HNRNPA3: variants seen among roughly 807,000 people sequenced by gnomAD.
HNRNPA3 encodes heterogeneous nuclear ribonucleoprotein A3.
A neutral mutation model predicts 45.8 loss-of-function variants in HNRNPA3; 3 were observed. That is an observed-to-expected ratio of 0.07 (90% CI 0.03 to 0.17). The LOEUF (loss-of-function observed/expected upper bound fraction) is 0.17, where lower values mean the gene tolerates loss of function less well. Ranked by LOEUF, HNRNPA3 falls within the 10% of genes least tolerant of loss-of-function variation. The pLI, the probability that HNRNPA3 is intolerant of heterozygous loss-of-function variation, is 1.00. For missense variants in HNRNPA3, 183 were observed against 480.3 expected, an observed-to-expected ratio of 0.38 and a Z score of 5.79; for synonymous variants, 170 against 155.6, an observed-to-expected ratio of 1.09 and a Z score of -0.69.
intron 8 of HNRNPA3, among the ~76,000 whole-genome samples, chr2:177,218,615 G>C (rs771476880): frequency 2.6e-5 from 4 of 152,164 alleles, no homozygotes; most frequent in Non-Finnish European, 5.9e-5. Flanking sequence ...TAGTTGAAGC[G>C]TTTAAGCAAG....
downstream of HNRNPA3, chr2:177,223,328 ATTATT>A (rs556000812): frequency 5.3e-4 from 81 of 152,198 alleles, no homozygotes; most frequent in Middle Eastern, 6.8e-3. Flanking sequence ...ATGAAATAAA[ATTATT>A]TTATTTAAAC....
At chr2:177,214,960 A>G (rs1268398543) in intron 1 of HNRNPA3, among the ~76,000 whole-genome samples, 1 of 152,232 alleles carries the variant, frequency 6.6e-6, no homozygotes, top group African/African-American at 2.4e-5. Flanking sequence ...CTTTTAAAAA[A>G]TGAAGCGATT....
At chr2:177,223,399 A>G (rs1689273351), downstream of HNRNPA3, 1 of 147,630 alleles carries the variant, frequency 6.8e-6, no homozygotes, top group African/African-American at 2.5e-5. Flanking sequence ...AGCAGCAGTA[A>G]AAAAAAAAAA....
At chr2:177,215,306 G>A (rs1688886250) in intron 1 of HNRNPA3, among the ~76,000 whole-genome samples, 1 of 152,124 alleles carries the variant, frequency 6.6e-6, no homozygotes, top group Non-Finnish European at 1.5e-5. Context: ...TGTTGGCCAG[G>A]CTGGTCTCGA....
exon 11 of HNRNPA3, chr2:177,219,890 A>G (rs565509908): frequency 6.6e-6 from 1 of 152,636 alleles, no homozygotes; most frequent in Non-Finnish European, 1.5e-5. Flanking sequence ...GTTAATTACT[A>G]TTTTGTATGA....
At chr2:177,213,541 A>G (rs548969777) in intron 1 of HNRNPA3, among the ~76,000 whole-genome samples, 1 of 152,322 alleles carries the variant, frequency 6.6e-6, no homozygotes, top group Non-Finnish European at 1.5e-5. Context: ...CGAGATTGTT[A>G]AAAACTTTGC....
exon 11 of HNRNPA3, chr2:177,219,416 T>A: frequency 1.2e-6 from 1 of 862,062 alleles, no homozygotes. Flanking sequence ...AGGCTACAGT[T>A]CTTAGCAGGA....
At chr2:177,221,312 T>C (rs1225533409), downstream of HNRNPA3, 1 of 152,548 alleles carries the variant, frequency 6.6e-6, no homozygotes, top group African/African-American at 2.4e-5. Context: ...TTGGGAAACA[T>C]TAAAATTGAG....
At chr2:177,217,566 C>T in intron 7 of HNRNPA3, 139 bp from the exon 8 acceptor site, 1 of 963,556 alleles carries the variant, frequency 1.0e-6, no homozygotes, top group South Asian at 1.5e-5. Flanking sequence ...GAGTTCAAGG[C>T]TGCATTGCTG....
chr2:177,222,806 G>C (rs1228472535), downstream of HNRNPA3: 3 of 152,572 alleles, frequency 2.0e-5, no homozygotes, highest in East Asian at 5.8e-4. Context: ...AGATGTCATG[G>C]GTAAAGGTTG....
At chr2:177,218,561 C>G (rs1241956384) in intron 8 of HNRNPA3, among the ~76,000 whole-genome samples, 3 of 152,232 alleles carry the variant, frequency 2.0e-5, no homozygotes, top group East Asian at 3.9e-4. Flanking sequence ...ATCTAGGGCC[C>G]AGGTTAACAA....
At chr2:177,215,318 C>A (rs1176867030) in intron 1 of HNRNPA3, among the ~76,000 whole-genome samples, 3 of 152,168 alleles carry the variant, frequency 2.0e-5, no homozygotes, top group Non-Finnish European at 4.4e-5. Context: ...TGGTCTCGAA[C>A]TCCTGACCTC....
At chr2:177,214,237 A>G (rs115850389) in intron 1 of HNRNPA3, among the ~76,000 whole-genome samples, 1 of 152,274 alleles carries the variant, frequency 6.6e-6, no homozygotes, top group Admixed American at 6.5e-5. Flanking sequence ...TTATAGTCAG[A>G]CAATACATAC....
chr2:177,216,590 G>C (rs376460276), exon 5 of HNRNPA3: 1 of 1,613,762 alleles, frequency 6.2e-7, no homozygotes, highest in African/African-American at 1.3e-5. Flanking sequence ...GGATCACAGA[G>C]AGGTGAGTAG....
At position 177,218,052 on chromosome 2, in the gene HNRNPA3, C is replaced by CTTTTTTTTTTTTTT. The variant is rs58476089; in HGVS notation, c.961+221_961+234dup. Among the ~76,000 whole-genome samples the CTTTTTTTTTTTTTT allele has an allele frequency of 2.8e-4, 29 of 102,174 alleles. 1 individual carries two copies. Among genetic ancestry groups the CTTTTTTTTTTTTTT allele is most frequent in the African/African-American group, 7.2e-4 (18 of 25,046 alleles). 67.0% of individuals were successfully genotyped at this position (102,174 alleles called of 152,430 possible). On this transcript the variant is annotated intron_variant, in intron 8 of 10. Transcript: ENST00000392524. ...ACAAATGTACTCAGCTCTCTTTTTT[C>CTTTTTTTTTTTTTT]TTTTTTTTTTTTTTTTTTTTTTTTT...
chr2:177,223,258 T>G (rs1196895743), downstream of HNRNPA3: 1 of 152,148 alleles, frequency 6.6e-6, no homozygotes, highest in Non-Finnish European at 1.5e-5. Flanking sequence ...CACAACATGG[T>G]TTTAGTGAAG....
chr2:177,216,767 A>G (rs1456865843), exon 6 of HNRNPA3: 2 of 1,614,048 alleles, frequency 1.2e-6, no homozygotes, highest in African/African-American at 1.3e-5. Flanking sequence ...ACTTTGGTGG[A>G]AGAGGTAGGC....
chr2:177,216,627 T>C (rs1272803037), intron 5 of HNRNPA3, 35 bp downstream of exon 5: 1 of 1,611,644 alleles, frequency 6.2e-7, no homozygotes, highest in East Asian at 2.2e-5. Context: ...ACAGTGGATA[T>C]GAGTGGTGTT....
rs58476089 is a variant in HNRNPA3 at position 177,218,052 on chromosome 2, C to CTTTTTTTTTTTTTTT, written c.961+220_961+234dup. ...ACAAATGTACTCAGCTCTCTTTTTT[C>CTTTTTTTTTTTTTTT]TTTTTTTTTTTTTTTTTTTTTTTTT... On this transcript the variant is annotated intron_variant, in intron 8 of 10. Transcript: ENST00000392524. Among the ~76,000 whole-genome samples, 29 of 102,172 alleles carry CTTTTTTTTTTTTTTT rather than the reference C, an allele frequency of 2.8e-4. 2 individuals are homozygous for CTTTTTTTTTTTTTTT. The highest frequency in any genetic ancestry group is 8.0e-4 in the African/African-American group (20 of 25,046). 67.0% of individuals were successfully genotyped at this position (102,172 alleles called of 152,430 possible).
Sources: gnomAD v4.1 joint callset for allele counts (sites outside exome capture counted in the v4.1 genomes callset) on GRCh38, gnomAD v4.1.1 for gene constraint, MANE v1.5 for transcripts, NCBI Gene and HGNC (gene_info 2026-07-23, HGNC 2026-07-21) for gene names.